The following FAM3D variants were observed in gnomAD, a reference collection of about 807,000 sequenced individuals.
FAM3D encodes protein FAM3D.
Under a neutral mutation model 29.8 loss-of-function variants are expected in FAM3D, and 26 were observed. That is an observed-to-expected ratio of 0.87 (90% CI 0.64 to 1.21). FAM3D has a LOEUF of 1.21. Among genes scored for constraint, FAM3D ranks in the 50% most tolerant of loss-of-function variants. The pLI, the probability that FAM3D is intolerant of heterozygous loss-of-function variation, is 0.00. For synonymous variants in FAM3D, 115 were observed against 102.3 expected (o/e 1.12, Z -0.75); for missense variants, 253 against 290.9 (o/e 0.87, Z 0.95).
Position 58,653,655 on chromosome 3 carries a change from A to T in FAM3D, c.121+19T>A. ...GGCCTGGTCTGCAGTTCCTGCCCCC[A>T]GCAGTGAGCCCCACTCACCCAGCCA... is the stretch of plus-strand genomic sequence containing the variant. On this transcript the variant is annotated intron_variant, in intron 3 of 9. Transcript: ENST00000358781. 1 of 1,608,896 alleles carries T rather than the reference A, an allele frequency of 6.2e-7. No individual in the cohort carries two copies. Among genetic ancestry groups the T allele is most frequent in the Non-Finnish European group, 8.5e-7 (1 of 1,176,436 alleles).
chr3:58,654,912 CA>C, intron 2 of FAM3D, among the ~76,000 whole-genome samples: 1 of 152,342 alleles, frequency 6.6e-6, no homozygotes, highest in South Asian at 2.1e-4. Context: ...ACCATGTGAG[CA>C]ACTTTTGAAT....
intron 1 of FAM3D, among the ~76,000 whole-genome samples, chr3:58,665,123 G>A (rs545315787): frequency 1.3e-5 from 2 of 152,282 alleles, no homozygotes; most frequent in East Asian, 3.9e-4. Flanking sequence ...AGGAAGAGGT[G>A]TGCACACCAT....
chr3:58,658,789 G>A (rs896428316), intron 1 of FAM3D, among the ~76,000 whole-genome samples: 1 of 152,164 alleles, frequency 6.6e-6, no homozygotes, highest in Non-Finnish European at 1.5e-5. Context: ...GGGAAACTGG[G>A]GAGAGAGAGG....
rs759769969 is a variant in FAM3D at position 58,634,333 on chromosome 3, C to A, written c.621G>T (p.Glu207Asp). 1 of 1,614,084 alleles carries A rather than the reference C, an allele frequency of 6.2e-7. No homozygotes were observed. The highest frequency in any genetic ancestry group is 1.7e-5 in the Admixed American group (1 of 60,020). ...CCATCTCCAGCAGCTCTGGCCATCCCTCGTATTTGTTTGTGTCTGGGCTGT... is the reference window on the plus strand; with the variant it reads ...CCATCTCCAGCAGCTCTGGCCATCCATCGTATTTGTTTGTGTCTGGGCTGT... ...LKNSPDTNKY[E>D]GWPELLEMEG... Residue 207 changes from glutamate (E) to aspartate (D), a missense_variant, in exon 10 of 10, where the codon GAG becomes GAT. Glu to Asp is a conservative substitution (Grantham distance 45, BLOSUM62 2). Coordinates refer to ENST00000358781, the MANE Select transcript of FAM3D (RefSeq NM_138805.3). The surrounding 1 kb of genome is among the most constrained non-coding windows in gnomAD (Gnocchi z 4.6).
chr3:58,645,499 A>G lies in FAM3D; in HGVS notation c.263+10T>C, dbSNP rs753568345. 6 of 1,572,796 alleles carry G rather than the reference A, an allele frequency of 3.8e-6. No individual in the cohort carries two copies. In the African/African-American group the frequency reaches 8.1e-5, roughly 21 times the overall value. On this transcript the variant is annotated intron_variant, in intron 5 of 9. Transcript: ENST00000358781. ...AATAAAATAAACATAGTTGTGTCTT[A>G]GGTACTTACATGCGGTCTTCAAAGC...
chr3:58,652,485 C>T (rs941439703), intron 3 of FAM3D, among the ~76,000 whole-genome samples: 3 of 151,272 alleles, frequency 2.0e-5, no homozygotes, highest in Admixed American at 6.6e-5. Context: ...CTCATCCATC[C>T]ATCCACCCTT....
At chr3:58,662,041 T>G (rs775327867) in intron 1 of FAM3D, among the ~76,000 whole-genome samples, 1 of 152,224 alleles carries the variant, frequency 6.6e-6, no homozygotes, top group Non-Finnish European at 1.5e-5. Context: ...ACTGGACATC[T>G]GCAGGTCCAT....
chr3:58,651,892 T>C (rs1446998859), intron 3 of FAM3D, among the ~76,000 whole-genome samples: 2 of 152,118 alleles, frequency 1.3e-5, no homozygotes, highest in African/African-American at 2.4e-5. Flanking sequence ...TTCTAAATCA[T>C]CTCAGCATGG....
chr3:58,659,808 C>A (rs963160584), intron 1 of FAM3D, among the ~76,000 whole-genome samples: 3 of 151,946 alleles, frequency 2.0e-5, no homozygotes, highest in African/African-American at 7.2e-5. Flanking sequence ...TTTTTCACCT[C>A]ATTACTAACA....
chr3:58,648,841 C>G (rs1287506939), intron 4 of FAM3D, among the ~76,000 whole-genome samples: 1 of 152,196 alleles, frequency 6.6e-6, no homozygotes, highest in Non-Finnish European at 1.5e-5. Context: ...ATTTCCACCC[C>G]AACAGACAAT....
intron 1 of FAM3D, among the ~76,000 whole-genome samples, chr3:58,658,679 G>A (rs933533030): frequency 6.6e-6 from 1 of 152,204 alleles, no homozygotes; most frequent in Non-Finnish European, 1.5e-5. Flanking sequence ...TGTCATAAGG[G>A]TCTGGCCAAT....
In FAM3D at chr3:58,634,165, A is replaced by G; in HGVS notation, c.*114T>C. On this transcript the variant is annotated 3_prime_UTR_variant, in exon 10 of 10. Transcript: ENST00000358781. This position sits in a 1 kb window ranked among gnomAD's most constrained non-coding sequence, Gnocchi z 4.6. Reference sequence around the variant, plus strand: ...CGCGACACAGCGTGCAAGGACCTGCAGCACCTTCCACGCAGCACCCCCTGC... The same window carrying G: ...CGCGACACAGCGTGCAAGGACCTGCGGCACCTTCCACGCAGCACCCCCTGC... The G allele has an allele frequency of 8.9e-6, 8 of 897,072 alleles. No individual in the cohort carries two copies. The highest frequency in any genetic ancestry group is 1.4e-5 in the Non-Finnish European group (8 of 576,284). 55.6% of individuals were successfully genotyped at this position (897,072 alleles called of 1,614,324 possible). A position where few individuals can be genotyped will look rare whatever the true frequency, so the allele number is the denominator to read the frequency against.
At chr3:58,656,513 C>G (rs562103197) in intron 1 of FAM3D, among the ~76,000 whole-genome samples, 6 of 147,138 alleles carry the variant, frequency 4.1e-5, no homozygotes, top group Admixed American at 6.8e-5. Context: ...TTCACCTCCC[C>G]CTGTGTCACC....
At chr3:58,650,384 C>A (rs149405639) in intron 3 of FAM3D, among the ~76,000 whole-genome samples, 1 of 152,160 alleles carries the variant, frequency 6.6e-6, no homozygotes, top group African/African-American at 2.4e-5. Flanking sequence ...TATGTTGATA[C>A]ATAGTTGGTG....
chr3:58,655,145 G>A (rs1047645346), intron 2 of FAM3D, among the ~76,000 whole-genome samples: 9 of 152,122 alleles, frequency 5.9e-5, no homozygotes, highest in Non-Finnish European at 8.8e-5. Flanking sequence ...GGTGCATTTC[G>A]TGTCTGCTGC....
chr3:58,645,295 A>G (rs904303636), intron 5 of FAM3D, among the ~76,000 whole-genome samples: 6 of 152,024 alleles, frequency 3.9e-5, no homozygotes, highest in Non-Finnish European at 8.8e-5. Flanking sequence ...ATGTCGGGGG[A>G]ATGAATGAGA....
At chr3:58,658,186 T>C (rs933641175) in intron 1 of FAM3D, among the ~76,000 whole-genome samples, 5 of 152,168 alleles carry the variant, frequency 3.3e-5, no homozygotes, top group African/African-American at 1.2e-4. Flanking sequence ...GTCAGCCGTG[T>C]GTGTAAGCCC....
chr3:58,654,414 A>C (rs1304736537), intron 2 of FAM3D, among the ~76,000 whole-genome samples: 1 of 152,194 alleles, frequency 6.6e-6, no homozygotes. Context: ...GGCCTCCACA[A>C]ATAACCGCAC....
rs372426993 is a variant in FAM3D at position 58,636,321 on chromosome 3, G to A, written c.558C>T (p.Asp186=). ...RDSWVFIGAK[D]LRGKSPFEQF... ...GCTCAAAGGGGCTTTTACCCCTGAG[G>A]TCTTTGGCTCCTATGAAGACCCAGC... Residue 186 remains aspartate (D), a synonymous_variant, in exon 9 of 10, where the codon GAC becomes GAT. Coordinates refer to ENST00000358781, the MANE Select transcript of FAM3D (RefSeq NM_138805.3). 1 of 1,614,034 alleles carries A rather than the reference G, an allele frequency of 6.2e-7. No homozygotes were observed. The highest frequency in any genetic ancestry group is 8.5e-7 in the Non-Finnish European group (1 of 1,180,036).
Sources: allele counts gnomAD v4.1 joint callset (sites outside exome capture counted in the v4.1 genomes callset), GRCh38; gene constraint gnomAD v4.1.1; non-coding constraint Gnocchi (gnomAD v3.1); transcripts MANE v1.5; gene names NCBI Gene and HGNC (gene_info 2026-07-23, HGNC 2026-07-21).